The following PSD3 variants were observed in gnomAD, a reference collection of about 807,000 sequenced individuals.
The protein encoded by PSD3 is pleckstrin and Sec7 domain containing 3, also known as PH and SEC7 domain-containing protein 3.
Under a neutral mutation model 105.5 loss-of-function variants are expected in PSD3, and 49 were observed. That is an observed-to-expected ratio of 0.46 (90% CI 0.37 to 0.59). The LOEUF (loss-of-function observed/expected upper bound fraction) is 0.59. PSD3 is among the 20% of genes least tolerant of loss of function. The pLI is 0.00. For synonymous variants in PSD3, 557 were observed against 457.8 expected, an observed-to-expected ratio of 1.22 and a Z score of -2.77; for missense variants, 1,561 against 1,263.8, an observed-to-expected ratio of 1.24 and a Z score of -3.57.
intron 1 of PSD3, among the ~76,000 whole-genome samples, chr8:18,968,218 C>T (rs1824409006): frequency 6.6e-6 from 1 of 152,156 alleles, no homozygotes; most frequent in African/African-American, 2.4e-5. Flanking sequence ...ATGTTTCTAC[C>T]CAACATCTGA....
At chr8:18,599,425 T>C (rs138548446) in intron 12 of PSD3, among the ~76,000 whole-genome samples, 2 of 152,274 alleles carry the variant, frequency 1.3e-5, no homozygotes, top group East Asian at 1.9e-4. Context: ...ATTAGGATCT[T>C]GAAGAGATAT....
At position 18,813,647 on chromosome 8, in the gene PSD3, G is replaced by A. The variant is rs546776852; in HGVS notation, c.1635-8749C>T. Among the ~76,000 whole-genome samples, 5 of 152,288 alleles carry A rather than the reference G, an allele frequency of 3.3e-5. No individual in the cohort carries two copies. The South Asian group carries it at 6.2e-4, about 19-fold the overall frequency. Reference sequence around the variant, plus strand: ...AGCAATGATTATTAATTTAGAAGATGCCAAAAGCAATTATCTGCTGGAGAA... The same window carrying A: ...AGCAATGATTATTAATTTAGAAGATACCAAAAGCAATTATCTGCTGGAGAA... On this transcript the variant is annotated intron_variant, in intron 4 of 15. Transcript: ENST00000327040.
chr8:18,796,099 A>T (rs539701701), intron 8 of PSD3, among the ~76,000 whole-genome samples: 4 of 152,218 alleles, frequency 2.6e-5, no homozygotes, highest in African/African-American at 9.6e-5. Flanking sequence ...ACAAGTAAAA[A>T]CAAGTAGATA....
chr8:18,728,849 A>G (rs1162393222), intron 9 of PSD3, among the ~76,000 whole-genome samples: 1 of 152,210 alleles, frequency 6.6e-6, no homozygotes, highest in Non-Finnish European at 1.5e-5. Flanking sequence ...ATGAAAATGA[A>G]TATGAAAGGG....
chr8:18,849,770 T>C (rs1815419934), intron 4 of PSD3: 1 of 152,214 alleles, frequency 6.6e-6, no homozygotes, highest in African/African-American at 2.4e-5. Flanking sequence ...ACTTCCCTCA[T>C]GTCTAAGGTA....
At chr8:19,007,590 C>T (rs114437297) in intron 1 of PSD3, among the ~76,000 whole-genome samples, 1 of 151,980 alleles carries the variant, frequency 6.6e-6, no homozygotes, top group Admixed American at 6.6e-5. Flanking sequence ...TTCTTAGGTA[C>T]TGTAGTTTCA....
intron 6 of PSD3, chr8:18,804,257 G>C (rs1238085884): frequency 6.2e-6 from 2 of 323,452 alleles, no homozygotes; most frequent in Non-Finnish European, 1.1e-5. Flanking sequence ...GCTGAAATAA[G>C]GTTCAAAGGA....
chr8:18,632,627 A>C lies in PSD3; in HGVS notation c.2396T>G (p.Met799Arg). 6.2e-7 allele frequency: 1 copy of C among 1,611,758 alleles called. No homozygotes were observed. Among genetic ancestry groups the C allele is most frequent in the Non-Finnish European group, 8.5e-7 (1 of 1,178,598 alleles). The change falls in exon 11 of 16, where the codon ATG (methionine) becomes AGG (arginine). Residue 799 changes from methionine (M) to arginine (R), a missense_variant. Physicochemically the swap from Met to Arg is moderately conservative, Grantham distance 91 (BLOSUM62 -1). Coordinates refer to ENST00000327040, the MANE Select transcript of PSD3 (RefSeq NM_015310.4). ...ATGATACTTACTCTTCTTTCCATCC[A>C]TATCTGCATGAATTTTCCGAGCCAA... is the stretch of plus-strand genomic sequence containing the variant. ...GFLARKIHAD[M>R]DGKKTPRGKR...
chr8:19,060,303 T>A (rs1343493105), intron 1 of PSD3, among the ~76,000 whole-genome samples: 1 of 152,212 alleles, frequency 6.6e-6, no homozygotes, highest in Non-Finnish European at 1.5e-5. Context: ...GTGAAGAGAT[T>A]TTGCTATCAA....
chr8:19,053,708 C>T (rs951089807), intron 1 of PSD3, among the ~76,000 whole-genome samples: 14 of 151,428 alleles, frequency 9.2e-5, no homozygotes, highest in African/African-American at 3.4e-4. Context: ...AGGAGAATTG[C>T]AGTGAGACTT....
chr8:18,650,239 T>A (rs913144002), intron 10 of PSD3, among the ~76,000 whole-genome samples: 2 of 152,228 alleles, frequency 1.3e-5, no homozygotes, highest in African/African-American at 4.8e-5. Context: ...AATTCCAACA[T>A]AAGATATAAA....
chr8:18,764,449 T>C (rs564499368), intron 9 of PSD3, among the ~76,000 whole-genome samples: 6 of 152,208 alleles, frequency 3.9e-5, no homozygotes, highest in Admixed American at 1.3e-4. Context: ...TCTTCCTGAT[T>C]TTTTTTTCAT....
At chr8:18,756,876 C>A (rs1806087641) in intron 9 of PSD3, among the ~76,000 whole-genome samples, 1 of 149,178 alleles carries the variant, frequency 6.7e-6, no homozygotes, top group African/African-American at 2.4e-5. Context: ...TCACTAGCAA[C>A]ACTAAGACAG....
chr8:19,038,456 T>C (rs1297088449), intron 1 of PSD3, among the ~76,000 whole-genome samples: 1 of 152,166 alleles, frequency 6.6e-6, no homozygotes, highest in Admixed American at 6.6e-5. Flanking sequence ...TTTATTTATT[T>C]ATCTATTTGT....
chr8:18,927,548 G>C (rs1270386877), intron 2 of PSD3, among the ~76,000 whole-genome samples: 1 of 152,170 alleles, frequency 6.6e-6, no homozygotes, highest in Non-Finnish European at 1.5e-5. Context: ...CACACAGGAA[G>C]GAATGACTAA....
intron 1 of PSD3, among the ~76,000 whole-genome samples, chr8:18,976,015 T>C (rs1295046563): frequency 2.6e-5 from 4 of 152,110 alleles, no homozygotes; most frequent in Non-Finnish European, 4.4e-5. Flanking sequence ...TTCTAAGAAA[T>C]TTCCAGAGAA....
intron 15 of PSD3, among the ~76,000 whole-genome samples, chr8:18,544,531 A>T (rs1370336853): frequency 1.3e-5 from 2 of 151,906 alleles, no homozygotes; most frequent in African/African-American, 4.8e-5. Context: ...TTATTTATAT[A>T]GTTCGTGTTC....
intron 11 of PSD3, among the ~76,000 whole-genome samples, chr8:18,611,945 G>C (rs376082223): frequency 1.3e-5 from 2 of 152,202 alleles, no homozygotes; most frequent in Non-Finnish European, 2.9e-5. Flanking sequence ...CTTCATTACA[G>C]ATTAATTTCC....
intron 2 of PSD3, among the ~76,000 whole-genome samples, chr8:18,912,210 G>T (rs1820270608): frequency 6.6e-6 from 1 of 152,126 alleles, no homozygotes; most frequent in Non-Finnish European, 1.5e-5. Flanking sequence ...ATATAACAGG[G>T]AATATTTGTA....
Sources: gnomAD v4.1 joint callset for allele counts (sites outside exome capture counted in the v4.1 genomes callset) on GRCh38, gnomAD v4.1.1 for gene constraint, MANE v1.5 for transcripts, NCBI Gene and HGNC (gene_info 2026-07-23, HGNC 2026-07-21) for gene names.